The following MAST4 variants were observed in gnomAD, a reference collection of about 807,000 sequenced individuals.
The protein encoded by MAST4 is microtubule-associated serine/threonine-protein kinase 4.
Under a neutral mutation model 162.7 loss-of-function variants are expected in MAST4, and 89 were observed. The observed-to-expected ratio is 0.55, with a 90% CI of 0.46 to 0.65. The LOEUF (loss-of-function observed/expected upper bound fraction) is 0.65, where lower values mean the gene tolerates loss of function less well. Ranked by LOEUF, MAST4 falls within the 30% of genes least tolerant of loss-of-function variation. MAST4 has a pLI of 0.00. For missense variants in MAST4, 3,153 were observed against 3,374.0 expected, an observed-to-expected ratio of 0.93 and a Z score of 1.62; for synonymous variants, 1,479 against 1,361.1, an observed-to-expected ratio of 1.09 and a Z score of -1.91.
chr5:67,044,134 A>T (rs901029512), intron 4 of MAST4, among the ~76,000 whole-genome samples: 1 of 152,194 alleles, frequency 6.6e-6, no homozygotes, highest in Non-Finnish European at 1.5e-5. Context: ...GTTACAGCAC[A>T]TGCCCTTTAT....
chr5:66,884,721 C>T (rs1395218340), intron 3 of MAST4, among the ~76,000 whole-genome samples: 4 of 152,184 alleles, frequency 2.6e-5, no homozygotes, highest in Admixed American at 1.3e-4. Flanking sequence ...GGTCAGCTAT[C>T]ATATCCCCTC....
At chr5:66,788,607 C>CCAAAAAAAAAAAAAAAAAA in intron 2 of MAST4, 63 bp from the exon 3 acceptor site, 12 of 1,373,698 alleles carry the variant, frequency 8.7e-6, no homozygotes, top group Non-Finnish European at 1.0e-5. Flanking sequence ...CCCCCACCCC[C>CCAAAAAAAAAAAAAAAAAA]ATTGCAATAA....
intron 4 of MAST4, among the ~76,000 whole-genome samples, chr5:66,981,371 A>G (rs1748804340): frequency 6.6e-6 from 1 of 152,230 alleles, no homozygotes; most frequent in African/African-American, 2.4e-5. Context: ...ATGGCTAATA[A>G]TAGATACTTT....
chr5:66,997,184 TG>T (rs1750742626), intron 4 of MAST4, among the ~76,000 whole-genome samples: 1 of 152,176 alleles, frequency 6.6e-6, no homozygotes, highest in South Asian at 2.1e-4. Context: ...CATGTATATA[TG>T]GACACATACA....
chr5:66,919,124 A>ACACACACACG (rs1234472748), intron 4 of MAST4, among the ~76,000 whole-genome samples: 4 of 151,676 alleles, frequency 2.6e-5, no homozygotes, highest in African/African-American at 9.7e-5. Flanking sequence ...ACACACACAC[A>ACACACACACG]CACACACACA....
intron 5 of MAST4, among the ~76,000 whole-genome samples, chr5:67,074,730 G>A (rs939597352): frequency 6.6e-6 from 1 of 152,108 alleles, no homozygotes; most frequent in Non-Finnish European, 1.5e-5. Flanking sequence ...AAGTATATTT[G>A]TATATACGTG....
At chr5:67,094,856 T>TTAATGCAAA (rs1764259823) in intron 6 of MAST4, among the ~76,000 whole-genome samples, 1 of 152,168 alleles carries the variant, frequency 6.6e-6, no homozygotes, top group Non-Finnish European at 1.5e-5. Flanking sequence ...CCTCTAAGGC[T>TTAATGCAAA]GAGGCAAACA....
At chr5:67,054,122 G>A (rs1279985233) in intron 4 of MAST4, among the ~76,000 whole-genome samples, 1 of 152,138 alleles carries the variant, frequency 6.6e-6, no homozygotes, top group African/African-American at 2.4e-5. Flanking sequence ...TGTGTGTATG[G>A]CATGTTACAT....
chr5:66,829,688 C>T (rs557546394), intron 3 of MAST4, among the ~76,000 whole-genome samples: 3 of 143,478 alleles, frequency 2.1e-5, no homozygotes, highest in Non-Finnish European at 4.6e-5. Flanking sequence ...CATTGTTAAA[C>T]TCTTATATAT....
intron 27 of MAST4, 59 bp downstream of exon 27, chr5:67,160,651 C>G (rs1266590864): frequency 6.5e-7 from 1 of 1,543,118 alleles, no homozygotes; most frequent in Non-Finnish European, 8.8e-7. Context: ...GGAAAAGTTA[C>G]CCCTTAATTA....
chr5:67,129,350 GTC>G (rs1180077629), intron 14 of MAST4, among the ~76,000 whole-genome samples: 8 of 152,148 alleles, frequency 5.3e-5, no homozygotes, highest in Non-Finnish European at 1.2e-4. Flanking sequence ...GGAAGTAAAT[GTC>G]TCTGAATTGG....
intron 11 of MAST4, among the ~76,000 whole-genome samples, chr5:67,111,426 A>C (rs1766229557): frequency 6.6e-6 from 1 of 152,186 alleles, no homozygotes; most frequent in Admixed American, 6.5e-5. Context: ...TTGAGGAGAA[A>C]GGTAGGGAGT....
chr5:66,736,501 A>G lies in MAST4; in HGVS notation c.364-23208A>G, dbSNP rs549678717. ...TGAAATGCAAGTTCTTGGGCAGGGA[A>G]GAAAGGTAGCAACAATGATTCAGCT... is the stretch of plus-strand genomic sequence containing the variant. On this transcript the variant is annotated intron_variant, in intron 1 of 28. Coordinates refer to ENST00000403625, the MANE Select transcript of MAST4 (RefSeq NM_001164664.2). 1.1e-4 allele frequency among the ~76,000 whole-genome samples: 17 copies of G among 152,298 alleles called. No homozygotes were observed. In the South Asian group the frequency reaches 1.7e-3, roughly 15 times the overall value.
chr5:67,153,817 G>A (rs1009337931), intron 26 of MAST4, among the ~76,000 whole-genome samples: 1 of 152,126 alleles, frequency 6.6e-6, no homozygotes, highest in South Asian at 2.1e-4. Context: ...TAAATTGTAA[G>A]TAGTAAGAAT....
intron 3 of MAST4, among the ~76,000 whole-genome samples, chr5:66,897,510 C>A (rs761710900): frequency 1.3e-5 from 2 of 152,208 alleles, no homozygotes. Flanking sequence ...CAGACTTTTG[C>A]AGCTATTGTT....
intron 1 of MAST4, among the ~76,000 whole-genome samples, chr5:66,639,278 T>TTGTGTA (rs1554037882): frequency 7.2e-6 from 1 of 138,624 alleles, no homozygotes; most frequent in African/African-American, 2.7e-5. Context: ...GAGAGGCAGC[T>TTGTGTA]TGTGTGTGTG....
intron 1 of MAST4, among the ~76,000 whole-genome samples, chr5:66,686,248 G>GT (rs1748647996): frequency 6.6e-6 from 1 of 152,154 alleles, no homozygotes; most frequent in South Asian, 2.1e-4. Context: ...ATAGGTGGCT[G>GT]TAAGATTAAC....
intron 26 of MAST4, among the ~76,000 whole-genome samples, chr5:67,156,332 T>A (rs946955435): frequency 6.6e-6 from 1 of 152,176 alleles, no homozygotes; most frequent in African/African-American, 2.4e-5. Context: ...AGCCTGCACT[T>A]TTTCCACTAC....
chr5:67,102,411 A>T (rs919196908), intron 8 of MAST4, 125 bp from the exon 9 acceptor site: 11 of 834,442 alleles, frequency 1.3e-5, no homozygotes, highest in Middle Eastern at 2.2e-4. Flanking sequence ...GTAGTTTATT[A>T]TCTGATATAC....
Sources: allele counts gnomAD v4.1 joint callset (sites outside exome capture counted in the v4.1 genomes callset), GRCh38; gene constraint gnomAD v4.1.1; transcripts MANE v1.5; gene names NCBI Gene and HGNC (gene_info 2026-07-23, HGNC 2026-07-21).